The following ENTPD1 variants were observed in gnomAD, a reference collection of about 807,000 sequenced individuals.
The protein encoded by ENTPD1 is ATP diphosphohydrolase.
ENTPD1 carries 33 observed loss-of-function variants against 57.0 expected under a neutral mutation model. The observed-to-expected ratio is 0.58, with a 90% CI of 0.44 to 0.77. The LOEUF (loss-of-function observed/expected upper bound fraction) is 0.77, where lower values mean the gene tolerates loss of function less well. ENTPD1 is among the 30% of genes least tolerant of loss of function. ENTPD1 has a pLI of 0.00. For missense variants in ENTPD1, 501 were observed against 603.4 expected (o/e 0.83, Z 1.78); for synonymous variants, 202 against 218.8 (o/e 0.92, Z 0.68).
rs377329857 is a variant in ENTPD1, at chr10:95,870,173, T to C, written c.*3790T>C. On this transcript the variant is annotated 3_prime_UTR_variant, in exon 10 of 10. Transcript: ENST00000371205. ...GAAGATGTGAAGGCAGGGATGCCTGTTATTCAGTCCAAGATGCATGACAAG... is the reference window on the plus strand; with the variant it reads ...GAAGATGTGAAGGCAGGGATGCCTGCTATTCAGTCCAAGATGCATGACAAG... The C allele has an allele frequency of 1.0e-6, 1 of 985,476 alleles. No individual in the cohort carries two copies. The highest frequency in any genetic ancestry group is 1.2e-6 in the Non-Finnish European group (1 of 829,940). 61.0% of individuals were successfully genotyped at this position (985,476 alleles called of 1,614,324 possible). A position where few individuals can be genotyped will look rare whatever the true frequency, so the allele number is the denominator to read the frequency against.
intron 7 of ENTPD1, among the ~76,000 whole-genome samples, chr10:95,856,232 A>G (rs2098454434): frequency 1.3e-5 from 2 of 152,196 alleles, no homozygotes; most frequent in Admixed American, 6.5e-5. Context: ...GCCAACAAAC[A>G]TGAAAAAATG....
intron 1 of ENTPD1, among the ~76,000 whole-genome samples, chr10:95,822,374 G>A (rs556003256): frequency 6.5e-4 from 98 of 151,730 alleles, no homozygotes; most frequent in African/African-American, 2.1e-3. Flanking sequence ...TTGGCTCACC[G>A]AAACCTCTGC....
At chr10:95,755,944 T>G (rs2139924515), upstream of ENTPD1, 1 of 1,476,198 alleles carries the variant, frequency 6.8e-7, no homozygotes, top group African/African-American at 1.4e-5. Context: ...AGAGAGAGAT[T>G]TGAATATACA....
intron 7 of ENTPD1, among the ~76,000 whole-genome samples, chr10:95,859,467 C>T (rs2098461533): frequency 6.6e-6 from 1 of 152,156 alleles, no homozygotes; most frequent in South Asian, 2.1e-4. Context: ...ACTTTATGCC[C>T]CCCTCAAATA....
Position 95,871,726 on chromosome 10 carries a change from C to A in ENTPD1, c.*5343C>A, listed in dbSNP as rs1160870238. 1.6e-5 allele frequency: 16 copies of A among 985,200 alleles called. No homozygotes were observed. Among genetic ancestry groups the A allele is most frequent in the Non-Finnish European group, 1.9e-5 (16 of 829,820 alleles). The allele number at this position is 985,200 out of a possible 1,614,324, so 61.0% of individuals were successfully genotyped here. The stretch of plus-strand genomic sequence containing the variant: ...CACTATAATCAACTGACACCATGAT[C>A]AGTGATGATGATCACCCTCATCAGC... On this transcript the variant is annotated 3_prime_UTR_variant, in exon 10 of 10. Transcript: ENST00000371205.
At chr10:95,824,230 T>A (rs1730326514) in intron 2 of ENTPD1, among the ~76,000 whole-genome samples, 1 of 152,252 alleles carries the variant, frequency 6.6e-6, no homozygotes, top group East Asian at 1.9e-4. Flanking sequence ...TATGCTAATA[T>A]GCATGTATGT....
chr10:95,811,641 C>T (rs781457897), intron 1 of ENTPD1, among the ~76,000 whole-genome samples: 13 of 152,162 alleles, frequency 8.5e-5, no homozygotes, highest in Non-Finnish European at 1.8e-4. Context: ...TATTCTGCCT[C>T]GGCCTCCCAA....
At chr10:95,848,075 G>A (rs2098438870) in intron 7 of ENTPD1, among the ~76,000 whole-genome samples, 1 of 152,166 alleles carries the variant, frequency 6.6e-6, no homozygotes, top group African/African-American at 2.4e-5. Context: ...TGGGAAAACT[G>A]ACTAGGGGGT....
intron 1 of ENTPD1, among the ~76,000 whole-genome samples, chr10:95,759,114 A>T (rs1222399118): frequency 6.6e-6 from 1 of 152,116 alleles, no homozygotes; most frequent in Non-Finnish European, 1.5e-5. Flanking sequence ...ATAAATATTT[A>T]GTAAGTGAAG....
chr10:95,864,852 C>T lies in ENTPD1; in HGVS notation c.1317C>T (p.Phe439=), dbSNP rs2098471326. Residue 439 remains phenylalanine (F), a synonymous_variant, in exon 9 of 10, where the codon TTC becomes TTT. Transcript: ENST00000371205. The part of the protein sequence containing the change: ...FTADSWEHIH[F]IGKIQGSDAG... ...CTGATTCCTGGGAGCACATCCATTT[C>T]ATTGGCAAGGTAATTTGGGGGCCTG... is the stretch of plus-strand genomic sequence containing the variant. 1 of 1,613,164 alleles carries T rather than the reference C, an allele frequency of 6.2e-7. No individual in the cohort carries two copies. The highest frequency in any genetic ancestry group is 8.5e-7 in the Non-Finnish European group (1 of 1,179,948).
intron 2 of ENTPD1, among the ~76,000 whole-genome samples, chr10:95,826,233 T>G (rs2098375863): frequency 6.6e-6 from 1 of 151,962 alleles, no homozygotes; most frequent in Non-Finnish European, 1.5e-5. Flanking sequence ...TAAAATAATA[T>G]CTGAAGAATG....
chr10:95,809,575 GC>G lies in ENTPD1; in HGVS notation c.17-13655del, dbSNP rs528603104. ...GATGGGGCGGATGCTGGGCAGAGGC[GC>G]CCCCCCACCTCCCAGACGGGGCGGA... On this transcript the variant is annotated intron_variant, in intron 1 of 9. Transcript: ENST00000371205. 1.6e-4 allele frequency among the ~76,000 whole-genome samples: 14 copies of G among 85,030 alleles called. 1 individual carries two copies. Among genetic ancestry groups the G allele is most frequent in the African/African-American group, 2.7e-4 (7 of 26,354 alleles). 55.8% of individuals were successfully genotyped at this position (85,030 alleles called of 152,430 possible).
chr10:95,773,320 T>G (rs765347357), intron 1 of ENTPD1, among the ~76,000 whole-genome samples: 2 of 152,200 alleles, frequency 1.3e-5, no homozygotes, highest in Non-Finnish European at 2.9e-5. Flanking sequence ...GGATGTTGTA[T>G]TAGCAGGCAT....
chr10:95,795,055 G>T (rs2098220648), intron 1 of ENTPD1, among the ~76,000 whole-genome samples: 1 of 152,152 alleles, frequency 6.6e-6, no homozygotes, highest in Non-Finnish European at 1.5e-5. Context: ...GACCCTTTGA[G>T]AAGATTACTC....
At chr10:95,741,327 C>G (rs2098000069) in intron 1 of ENTPD1, among the ~76,000 whole-genome samples, 1 of 152,148 alleles carries the variant, frequency 6.6e-6, no homozygotes, top group African/African-American at 2.4e-5. Context: ...AATCAGACCA[C>G]AAACAGCAGT....
chr10:95,782,076 T>C (rs1404164708), intron 1 of ENTPD1, among the ~76,000 whole-genome samples: 1 of 152,210 alleles, frequency 6.6e-6, no homozygotes, highest in African/African-American at 2.4e-5. Flanking sequence ...AATACACTGC[T>C]CTGAGCTGAA....
In ENTPD1 at chr10:95,867,922, T is replaced by G. The variant is rs2141016920; in HGVS notation, c.*1539T>G. ...AAGCTGTGGAAAGGAACTCTTAATC[T>G]TCTTTTCTGCTACTTAGGTTAAATT... On this transcript the variant is annotated 3_prime_UTR_variant, in exon 10 of 10. Coordinates refer to ENST00000371205, the MANE Select transcript of ENTPD1 (RefSeq NM_001776.6). 1.0e-6 allele frequency: 1 copy of G among 985,486 alleles called. No individual in the cohort carries two copies. The highest frequency in any genetic ancestry group is 1.1e-4 in the East Asian group (1 of 8,826). 61.0% of individuals were successfully genotyped at this position (985,486 alleles called of 1,614,324 possible).
At chr10:95,784,329 G>T (rs1215747453) in intron 1 of ENTPD1, among the ~76,000 whole-genome samples, 1 of 151,976 alleles carries the variant, frequency 6.6e-6, no homozygotes, top group Non-Finnish European at 1.5e-5. Flanking sequence ...AGACATTATG[G>T]GGCCACTAAA....
At chr10:95,833,265 T>C (rs2098401719) in intron 2 of ENTPD1, among the ~76,000 whole-genome samples, 1 of 152,234 alleles carries the variant, frequency 6.6e-6, no homozygotes, top group African/African-American at 2.4e-5. Context: ...ATGGTTACAA[T>C]GGTAACTTTT....
Sources: allele counts gnomAD v4.1 joint callset (sites outside exome capture counted in the v4.1 genomes callset), GRCh38; gene constraint gnomAD v4.1.1; transcripts MANE v1.5; gene names NCBI Gene and HGNC (gene_info 2026-07-23, HGNC 2026-07-21).